CUBN: variants seen among roughly 807,000 people sequenced by gnomAD.
CUBN encodes 460 kDa receptor.
CUBN carries 282 observed loss-of-function variants against 405.3 expected under a neutral mutation model. The observed-to-expected ratio is 0.70, with a 90% CI of 0.63 to 0.77. The LOEUF (loss-of-function observed/expected upper bound fraction) is 0.77, where lower values mean the gene tolerates loss of function less well. Among genes scored for constraint, CUBN ranks in the 30% least tolerant of loss-of-function variants. CUBN has a pLI of 0.00. For synonymous variants in CUBN, 1,684 were observed against 1,617.0 expected (o/e 1.04, Z -0.99); for missense variants, 4,514 against 4,475.2 (o/e 1.01, Z -0.25).
chr10:17,089,079 C>T (rs1459157456), intron 14 of CUBN, among the ~76,000 whole-genome samples: 1 of 152,066 alleles, frequency 6.6e-6, no homozygotes, highest in African/African-American at 2.4e-5. Flanking sequence ...ATGACAGAAA[C>T]ACTAAATAAT....
intron 28 of CUBN, among the ~76,000 whole-genome samples, chr10:17,017,392 T>C (rs574304125): frequency 6.6e-6 from 1 of 152,284 alleles, no homozygotes; most frequent in East Asian, 1.9e-4. Flanking sequence ...TAGTGGCCCT[T>C]ACTGACACAT....
At chr10:17,124,905 C>T (rs760462219) in intron 4 of CUBN, among the ~76,000 whole-genome samples, 32 of 151,916 alleles carry the variant, frequency 2.1e-4, no homozygotes, top group Non-Finnish European at 4.0e-4. Flanking sequence ...GATCTCAGCT[C>T]ACTGCAACCT....
chr10:17,003,610 T>C (rs897604215), intron 28 of CUBN, among the ~76,000 whole-genome samples: 3 of 152,146 alleles, frequency 2.0e-5, no homozygotes, highest in African/African-American at 7.2e-5. Context: ...AAAACTTAGG[T>C]AATCATGAGT....
Position 16,905,647 on chromosome 10 carries a change from G to A in CUBN, c.7912+556C>T, listed in dbSNP as rs537884377. Among the ~76,000 whole-genome samples the A allele has an allele frequency of 3.8e-4, 58 of 152,286 alleles. 6 individuals carry two copies. In the South Asian group the frequency reaches 7.0e-3, roughly 19 times the overall value. On this transcript the variant is annotated intron_variant, in intron 50 of 66. Transcript: ENST00000377833. Reference sequence around the variant, plus strand: ...TCACATGCCGGGAAACGAAGTGACTGTAACACAGAGTCTAGTTGTACAGTG... The same window carrying A: ...TCACATGCCGGGAAACGAAGTGACTATAACACAGAGTCTAGTTGTACAGTG...
intron 66 of CUBN, among the ~76,000 whole-genome samples, chr10:16,827,284 A>C (rs1838811378): frequency 6.6e-6 from 1 of 152,238 alleles, no homozygotes; most frequent in African/African-American, 2.4e-5. Context: ...TTGATATGTT[A>C]CTAATGATAT....
At chr10:17,105,433 CCA>C in intron 11 of CUBN, 22 bp downstream of exon 11, 1 of 1,297,760 alleles carries the variant, frequency 7.7e-7, no homozygotes. Context: ...TACTCTCTGT[CCA>C]CAGGAAAAAC....
chr10:17,124,344 G>C (rs1000476155), intron 4 of CUBN, among the ~76,000 whole-genome samples: 1 of 152,172 alleles, frequency 6.6e-6, no homozygotes, highest in African/African-American at 2.4e-5. Context: ...TCAGCTACCA[G>C]TTTGAATCTT....
intron 27 of CUBN, among the ~76,000 whole-genome samples, chr10:17,034,215 T>C (rs750476616): frequency 9.2e-5 from 14 of 152,154 alleles, no homozygotes; most frequent in Non-Finnish European, 1.8e-4. Flanking sequence ...TAATGGAAGA[T>C]GATAGTGGTC....
chr10:16,904,354 C>A (rs1479209081), intron 50 of CUBN, among the ~76,000 whole-genome samples: 1 of 152,150 alleles, frequency 6.6e-6, no homozygotes, highest in Non-Finnish European at 1.5e-5. Context: ...ATGATGGACA[C>A]CATTTTGTTC....
At chr10:17,008,442 G>GTGTGTGTA (rs1834091229) in intron 28 of CUBN, among the ~76,000 whole-genome samples, 1 of 144,610 alleles carries the variant, frequency 6.9e-6, no homozygotes, top group South Asian at 2.2e-4. Context: ...GTGTGTGTGT[G>GTGTGTGTA]TGTGTGTGTG....
intron 31 of CUBN, among the ~76,000 whole-genome samples, chr10:16,981,060 A>C (rs1226919309): frequency 2.0e-5 from 3 of 152,002 alleles, no homozygotes; most frequent in African/African-American, 7.2e-5. Context: ...CTCCACCCTC[A>C]AGCCTGGATC....
intron 60 of CUBN, among the ~76,000 whole-genome samples, chr10:16,841,910 CAAAAAAAAAA>C (rs11354893): frequency 1.1e-5 from 1 of 93,738 alleles, no homozygotes; most frequent in Admixed American, 1.4e-4. Context: ...AAGACTGTCT[CAAAAAAAAAA>C]AAAAAAAAAA....
At chr10:16,963,193 T>C (rs951489445) in intron 31 of CUBN, among the ~76,000 whole-genome samples, 4 of 90,226 alleles carry the variant, frequency 4.4e-5, no homozygotes, top group African/African-American at 1.7e-4. Context: ...TTTTCTTTTT[T>C]TTCTTTTTTT....
At chr10:16,974,416 A>G (rs901145640) in intron 31 of CUBN, among the ~76,000 whole-genome samples, 1 of 149,988 alleles carries the variant, frequency 6.7e-6, no homozygotes, top group African/African-American at 2.4e-5. Flanking sequence ...GGATTTTCCA[A>G]CTACAATTAA....
At position 16,948,489 on chromosome 10, in the gene CUBN, G is replaced by T. The variant is rs1842842144; in HGVS notation, c.5198C>A (p.Ala1733Glu). ...CTAGGGTTTCTTACCCGACACTGAT[G>T]CGGTGACCGTGGTGTGGAAACCCCC... ...SAGGFHTTVTASVSACGGTFY... is the reference protein window; with the variant it reads ...SAGGFHTTVTESVSACGGTFY... Residue 1733 changes from alanine (A) to glutamate (E), a missense_variant, in exon 35 of 67, where the codon GCA becomes GAA. Physicochemically the swap from Ala to Glu is moderately radical, Grantham distance 107 (BLOSUM62 -1). Transcript: ENST00000377833. 4 of 1,613,854 alleles carry T rather than the reference G, an allele frequency of 2.5e-6. No homozygotes were observed. Among genetic ancestry groups the T allele is most frequent in the Non-Finnish European group, 3.4e-6 (4 of 1,179,946 alleles).
intron 54 of CUBN, among the ~76,000 whole-genome samples, chr10:16,892,206 C>T (rs1454433660): frequency 6.6e-6 from 1 of 152,142 alleles, no homozygotes; most frequent in African/African-American, 2.4e-5. Flanking sequence ...CACTGGGTAT[C>T]CAGCTGTTAG....
chr10:17,117,856 C>A (rs564395756), intron 6 of CUBN, among the ~76,000 whole-genome samples: 1 of 152,272 alleles, frequency 6.6e-6, no homozygotes, highest in Admixed American at 6.5e-5. Context: ...ACTGTTTACC[C>A]AGACAATGTA....
chr10:17,046,847 G>T (rs775414775), intron 23 of CUBN, among the ~76,000 whole-genome samples: 1 of 152,082 alleles, frequency 6.6e-6, no homozygotes, highest in Non-Finnish European at 1.5e-5. Flanking sequence ...CAAAGTAGTG[G>T]CATGGAGAGA....
intron 14 of CUBN, among the ~76,000 whole-genome samples, chr10:17,095,049 A>T (rs1365897330): frequency 1.3e-5 from 2 of 152,084 alleles, no homozygotes; most frequent in Non-Finnish European, 2.9e-5. Flanking sequence ...TATTGGCATT[A>T]AAAACAGATA....
Sources: allele counts gnomAD v4.1 joint callset (sites outside exome capture counted in the v4.1 genomes callset), GRCh38; gene constraint gnomAD v4.1.1; transcripts MANE v1.5; gene names NCBI Gene and HGNC (gene_info 2026-07-23, HGNC 2026-07-21).